TSPAN9: variants seen among roughly 807,000 people sequenced by gnomAD.
TSPAN9 encodes the protein tetraspanin-9.
In TSPAN9, 16 loss-of-function variants were observed where a neutral mutation model predicts 31.0. The observed-to-expected ratio is 0.52, with a 90% CI of 0.35 to 0.78. TSPAN9 has a LOEUF of 0.78. Among genes scored for constraint, TSPAN9 ranks in the 30% least tolerant of loss-of-function variants. The probability of loss-of-function intolerance (pLI) is 0.01; values close to 1 mark genes in which losing one functional copy is unlikely to be tolerated. For synonymous variants in TSPAN9, 145 were observed against 121.6 expected (o/e 1.19, Z -1.27); for missense variants, 272 against 312.5 (o/e 0.87, Z 0.98).
At chr12:3,281,699 G>A in intron 7 of TSPAN9, 35 bp from the exon 8 acceptor site, 1 of 1,601,850 alleles carries the variant, frequency 6.2e-7, no homozygotes. Context: ...GCATGCTTGG[G>A]CTGGGACCCT....
intron 3 of TSPAN9, among the ~76,000 whole-genome samples, chr12:3,210,734 A>C (rs557755309): frequency 2.8e-5 from 4 of 141,642 alleles, no homozygotes; most frequent in African/African-American, 1.0e-4. Flanking sequence ...TATCTCATGG[A>C]TGTCTTTTTT....
chr12:3,244,560 T>G (rs2098398354), intron 3 of TSPAN9, among the ~76,000 whole-genome samples: 1 of 152,088 alleles, frequency 6.6e-6, no homozygotes, highest in Non-Finnish European at 1.5e-5. Flanking sequence ...GAGGTCTGCT[T>G]TAGGAGAACG....
intron 2 of TSPAN9, among the ~76,000 whole-genome samples, chr12:3,137,872 C>T (rs995842614): frequency 2.0e-5 from 3 of 152,144 alleles, no homozygotes; most frequent in Admixed American, 2.0e-4. Context: ...GGCTTGACTT[C>T]CTTCCCTCGT....
At chr12:3,120,925 C>T (rs1297286699) in intron 2 of TSPAN9, among the ~76,000 whole-genome samples, 1 of 152,260 alleles carries the variant, frequency 6.6e-6, no homozygotes, top group Non-Finnish European at 1.5e-5. Context: ...TAAACTGCTT[C>T]TGTAAGTCAG....
At chr12:3,081,930 G>A (rs760448566) in intron 1 of TSPAN9, among the ~76,000 whole-genome samples, 36 of 150,954 alleles carry the variant, frequency 2.4e-4, no homozygotes, top group Admixed American at 2.0e-3. Flanking sequence ...TCAGGAGTTC[G>A]AGGCTTCAGT....
chr12:3,285,737 A>T lies in TSPAN9; in HGVS notation c.*2621A>T, dbSNP rs956851981. 1.3e-5 allele frequency: 2 copies of T among 152,206 alleles called. No homozygotes were observed. Among genetic ancestry groups the T allele is most frequent in the African/African-American group, 4.8e-5 (2 of 41,440 alleles). The allele number at this position is 152,206 out of a possible 1,614,324, so 9.4% of individuals were successfully genotyped here. On this transcript the variant is annotated 3_prime_UTR_variant, in exon 9 of 9. Transcript: ENST00000011898. Reference sequence around the variant, plus strand: ...GGCTCCCTTTGCCAGAGTCAGTTCAATCAGGTCTGATGTGAGCAATTTACA... The same window carrying T: ...GGCTCCCTTTGCCAGAGTCAGTTCATTCAGGTCTGATGTGAGCAATTTACA...
At chr12:3,226,773 TATATATATATATATA>T (rs2098387873) in intron 3 of TSPAN9, among the ~76,000 whole-genome samples, 2 of 5,482 alleles carry the variant, frequency 3.6e-4, no homozygotes, top group African/African-American at 6.0e-4. Flanking sequence ...TATATATATA[TATATATATATATATA>T]TATATATTTT....
chr12:3,135,312 C>G, intron 2 of TSPAN9, among the ~76,000 whole-genome samples: 1 of 152,278 alleles, frequency 6.6e-6, no homozygotes, highest in Middle Eastern at 3.4e-3. Context: ...TCTGGAACTC[C>G]TGGCATCAAG....
intron 3 of TSPAN9, among the ~76,000 whole-genome samples, chr12:3,261,731 T>C (rs1322782603): frequency 6.6e-6 from 1 of 152,180 alleles, no homozygotes; most frequent in Non-Finnish European, 1.5e-5. Flanking sequence ...GTTTTCACCC[T>C]CATGACGAAC....
rs114660554 is a variant in TSPAN9, at chr12:3,274,829, C to T, written c.64-3592C>T. On this transcript the variant is annotated intron_variant, in intron 3 of 8. Coordinates refer to ENST00000011898, the MANE Select transcript of TSPAN9 (RefSeq NM_006675.5). ...CGTGGCACCCGCTGTACTGCACAGGCCTCCTCACTGGGCAGACGTGCACCA... is the reference window on the plus strand; with the variant it reads ...CGTGGCACCCGCTGTACTGCACAGGTCTCCTCACTGGGCAGACGTGCACCA... Among the ~76,000 whole-genome samples, 481 of 152,344 alleles carry T rather than the reference C, an allele frequency of 3.2e-3. 1 individual carries two copies. The highest frequency in any genetic ancestry group is 0.011 in the African/African-American group (451 of 41,590).
Position 3,200,986 on chromosome 12 carries a change from G to A in TSPAN9, c.-17-191G>A, listed in dbSNP as rs141071574. The A allele has an allele frequency of 7.8e-4, 455 of 581,210 alleles. 1 individual carries two copies. Among genetic ancestry groups the A allele is most frequent in the African/African-American group, 7.7e-3 (404 of 52,428 alleles). The allele number at this position is 581,210 out of a possible 1,614,324, so 36.0% of individuals were successfully genotyped here. A position where few individuals can be genotyped will look rare whatever the true frequency, so the allele number is the denominator to read the frequency against. ...GTCCATCTTTGGACAGCAAGGACTC[G>A]GACTTTGCCAAGCCGTCCACCTCCG... On this transcript the variant is annotated intron_variant, in intron 2 of 8. Transcript: ENST00000011898.
intron 3 of TSPAN9, among the ~76,000 whole-genome samples, chr12:3,201,692 G>A (rs2098371945): frequency 6.6e-6 from 1 of 152,356 alleles, no homozygotes; most frequent in African/African-American, 2.4e-5. Context: ...GAATGCACAA[G>A]AATACAATCT....
intron 3 of TSPAN9, among the ~76,000 whole-genome samples, chr12:3,234,448 A>G (rs565023781): frequency 6.6e-6 from 1 of 152,298 alleles, no homozygotes; most frequent in African/African-American, 2.4e-5. Flanking sequence ...ACCCTGCAGC[A>G]CTGACATAGT....
intron 2 of TSPAN9, among the ~76,000 whole-genome samples, chr12:3,188,276 A>G (rs1213391749): frequency 1.3e-5 from 2 of 152,210 alleles, no homozygotes; most frequent in African/African-American, 4.8e-5. Flanking sequence ...TCCTGCACTC[A>G]GGGAGCTGTC....
At chr12:3,077,687 G>A (rs1267240506) in intron 1 of TSPAN9, among the ~76,000 whole-genome samples, 1 of 152,078 alleles carries the variant, frequency 6.6e-6, no homozygotes, top group Admixed American at 6.5e-5. Flanking sequence ...GTGGGTGCGG[G>A]GCCCGGGCAC....
intron 2 of TSPAN9, among the ~76,000 whole-genome samples, chr12:3,195,695 C>T (rs1394891998): frequency 2.0e-5 from 3 of 152,158 alleles, no homozygotes; most frequent in African/African-American, 7.2e-5. Flanking sequence ...GCCCAGCTTC[C>T]TAGGGCACCG....
At chr12:3,191,223 G>A (rs1038336171) in intron 2 of TSPAN9, among the ~76,000 whole-genome samples, 2 of 152,060 alleles carry the variant, frequency 1.3e-5, no homozygotes, top group African/African-American at 4.8e-5. Context: ...GGAGTGGGGT[G>A]GGCAAGCACC....
At chr12:3,249,583 C>T (rs1037414383) in intron 3 of TSPAN9, among the ~76,000 whole-genome samples, 7 of 152,170 alleles carry the variant, frequency 4.6e-5, no homozygotes, top group Non-Finnish European at 7.3e-5. Flanking sequence ...TCCTGAGGGC[C>T]GAGCCCATGT....
intron 2 of TSPAN9, among the ~76,000 whole-genome samples, chr12:3,132,373 T>G (rs1024896371): frequency 7.9e-5 from 12 of 152,176 alleles, no homozygotes; most frequent in African/African-American, 2.9e-4. Flanking sequence ...CTGTACCACT[T>G]TACATCCCTG....
Sources: allele counts gnomAD v4.1 joint callset (sites outside exome capture counted in the v4.1 genomes callset), GRCh38; gene constraint gnomAD v4.1.1; transcripts MANE v1.5; gene names NCBI Gene and HGNC (gene_info 2026-07-23, HGNC 2026-07-21).